Variants in PODXL observed in about 807,000 individuals in gnomAD.
PODXL encodes the protein podocalyxin like, also known as podocalyxin.
In PODXL, 20 loss-of-function variants were observed where a neutral mutation model predicts 48.9. The ratio of observed to expected loss-of-function variants is 0.41; its 90% CI spans 0.29 to 0.59. The LOEUF (loss-of-function observed/expected upper bound fraction) is 0.59, where lower values mean the gene tolerates loss of function less well. Among genes scored for constraint, PODXL ranks in the 20% least tolerant of loss-of-function variants. PODXL has a pLI of 0.31. For synonymous variants in PODXL, 295 were observed against 287.4 expected, an observed-to-expected ratio of 1.03 and a Z score of -0.27; for missense variants, 606 against 675.1, an observed-to-expected ratio of 0.90 and a Z score of 1.13.
At position 131,511,240 on chromosome 7, in the gene PODXL, T is replaced by A. The variant is rs146510439; in HGVS notation, c.294A>T (p.Gln98His). Residue 98 changes from glutamine (Q) to histidine (H), a missense_variant, in exon 2 of 9, where the codon CAA becomes CAT. Coordinates refer to ENST00000378555, the MANE Select transcript of PODXL (RefSeq NM_001018111.3). Reference protein sequence around the residue: ...DSPGTTTLAQQVSGPVNTTVA... With the variant: ...DSPGTTTLAQHVSGPVNTTVA... Reference sequence around the variant, plus strand: ...CGGTAGTGTTGACTGGGCCTGAGACTTGCTGAGCCAGGGTTGTAGTCCCCG... The same window carrying A: ...CGGTAGTGTTGACTGGGCCTGAGACATGCTGAGCCAGGGTTGTAGTCCCCG... 14 of 1,614,116 alleles carry A rather than the reference T, an allele frequency of 8.7e-6. 1 individual carries two copies. In the African/African-American group the frequency reaches 1.9e-4, roughly 22 times the overall value.
At position 131,506,598 on chromosome 7, in the gene PODXL, G is replaced by A; in HGVS notation, c.1230C>T (p.Val410=). Reference sequence around the variant, plus strand: ...ACTCACTGTGAATAGTGATTTCTTTGACGACCACGGTCTGACTTCCTGGAA... The same window carrying A: ...ACTCACTGTGAATAGTGATTTCTTTAACGACCACGGTCTGACTTCCTGGAA... ...ASVPGSQTVV[V]KEITIHTKLP... is the part of the protein sequence containing the mutation. Residue 410 remains valine (V), a synonymous_variant, in exon 6 of 9, where the codon GTC becomes GTT. Transcript: ENST00000378555. 3 of 1,614,086 alleles carry A rather than the reference G, an allele frequency of 1.9e-6. No individual in the cohort carries two copies. The highest frequency in any genetic ancestry group is 2.5e-6 in the Non-Finnish European group (3 of 1,180,006).
intron 1 of PODXL, among the ~76,000 whole-genome samples, chr7:131,541,975 G>T (rs562973445): frequency 6.6e-6 from 1 of 152,210 alleles, no homozygotes; most frequent in South Asian, 2.1e-4. Flanking sequence ...ACATCAGAGA[G>T]GGGGGACAGA....
chr7:131,531,139 G>A (rs1798274485), intron 1 of PODXL, among the ~76,000 whole-genome samples: 2 of 152,144 alleles, frequency 1.3e-5, no homozygotes, highest in African/African-American at 4.8e-5. Context: ...GCTTAGCTGG[G>A]CACTCATTTC....
Position 131,522,716 on chromosome 7 carries a change from C to T in PODXL, c.101-11283G>A, listed in dbSNP as rs141970326. On this transcript the variant is annotated intron_variant, in intron 1 of 8. Coordinates refer to ENST00000378555, the MANE Select transcript of PODXL (RefSeq NM_001018111.3). ...CCACTAATCTACTTCTGTCTATGGA[C>T]TCACCTATTCTAGAGAGTTCATGTA... 3.3e-3 allele frequency among the ~76,000 whole-genome samples: 508 copies of T among 152,366 alleles called. 3 individuals carry two copies. Among genetic ancestry groups the T allele is most frequent in the African/African-American group, 0.011 (471 of 41,588 alleles).
At chr7:131,518,531 G>A (rs940362788) in intron 1 of PODXL, among the ~76,000 whole-genome samples, 6 of 152,174 alleles carry the variant, frequency 3.9e-5, no homozygotes. Flanking sequence ...CTGTCCGTAA[G>A]AGGTCTTTCC....
intron 1 of PODXL, among the ~76,000 whole-genome samples, chr7:131,543,314 T>C (rs1798513536): frequency 6.6e-6 from 1 of 151,982 alleles, no homozygotes; most frequent in African/African-American, 2.4e-5. Context: ...TATGTAGAGA[T>C]AGGGCCTCAC....
intron 1 of PODXL, among the ~76,000 whole-genome samples, chr7:131,541,494 T>C (rs1798480855): frequency 6.6e-6 from 1 of 152,052 alleles, no homozygotes; most frequent in South Asian, 2.1e-4. Flanking sequence ...AAGACCAGCC[T>C]GGTTAACATG....
chr7:131,521,601 G>A (rs1279454083), intron 1 of PODXL, among the ~76,000 whole-genome samples: 2 of 152,168 alleles, frequency 1.3e-5, no homozygotes, highest in African/African-American at 4.8e-5. Context: ...CCAAAGTGCT[G>A]GGATTACAGA....
At chr7:131,538,144 CCAG>C (rs1318141978) in intron 1 of PODXL, among the ~76,000 whole-genome samples, 1 of 152,096 alleles carries the variant, frequency 6.6e-6, no homozygotes, top group Non-Finnish European at 1.5e-5. Flanking sequence ...AACCAGGAGA[CCAG>C]CTCCTGGCCC....
rs1797708447 is a variant in PODXL at position 131,501,841 on chromosome 7, GGT to G, written c.*2468_*2469del. 1 of 152,282 alleles carries G rather than the reference GGT, an allele frequency of 6.6e-6. No individual in the cohort carries two copies. The highest frequency in any genetic ancestry group is 2.4e-5 in the African/African-American group (1 of 41,436). The allele number at this position is 152,282 out of a possible 1,614,324, so 9.4% of individuals were successfully genotyped here. A position where few individuals can be genotyped will look rare whatever the true frequency, so the allele number is the denominator to read the frequency against. On this transcript the variant is annotated 3_prime_UTR_variant, in exon 9 of 9. Transcript: ENST00000378555. Reference sequence around the variant, plus strand: ...CATGGCTGTTTGGCCTGTTGACATAGGTGTCCTGGTGGCAAGAGCAAGGCAAG... The same window carrying G: ...CATGGCTGTTTGGCCTGTTGACATAGGTCCTGGTGGCAAGAGCAAGGCAAG...
chr7:131,509,712 T>G (rs1056609249), intron 3 of PODXL, 127 bp from the exon 4 acceptor site: 18 of 584,296 alleles, frequency 3.1e-5, no homozygotes, highest in Non-Finnish European at 5.2e-5. Context: ...ACGGAAGAAG[T>G]GGACTCCTAT....
intron 7 of PODXL, 51 bp from the exon 8 acceptor site, chr7:131,506,086 C>A: frequency 1.9e-6 from 3 of 1,582,050 alleles, no homozygotes; most frequent in Non-Finnish European, 2.6e-6. Flanking sequence ...TCTCCCTCAG[C>A]CCCCGGCTTC....
At position 131,503,513 on chromosome 7, in the gene PODXL, C is replaced by T. The variant is rs575739871; in HGVS notation, c.*798G>A. The T allele has an allele frequency of 6.6e-6, 1 of 152,440 alleles. No homozygotes were observed. The highest frequency in any genetic ancestry group is 1.9e-4 in the East Asian group (1 of 5,192). 9.4% of individuals were successfully genotyped at this position (152,440 alleles called of 1,614,324 possible). ...CCTGGACTCGAGTGTCCCCTTCTCT[C>T]CTCACCTGCACGCAGGTCCCCTAAG... On this transcript the variant is annotated 3_prime_UTR_variant, in exon 9 of 9. Transcript: ENST00000378555.
At chr7:131,507,970 T>C (rs923439828) in intron 5 of PODXL, among the ~76,000 whole-genome samples, 1 of 152,222 alleles carries the variant, frequency 6.6e-6, no homozygotes, top group African/African-American at 2.4e-5. Context: ...CCATCCTATC[T>C]ATAGACACCG....
intron 1 of PODXL, among the ~76,000 whole-genome samples, chr7:131,518,208 G>C (rs1243200410): frequency 6.6e-6 from 1 of 152,072 alleles, no homozygotes; most frequent in African/African-American, 2.4e-5. Flanking sequence ...CTTTTTGCGG[G>C]GGGAATGCCA....
intron 7 of PODXL, 67 bp downstream of exon 7, chr7:131,506,193 G>C (rs1797798173): frequency 6.3e-7 from 1 of 1,578,200 alleles, no homozygotes; most frequent in Non-Finnish European, 8.7e-7. Context: ...CAGAGAGAGG[G>C]GAGTAACCAG....
intron 1 of PODXL, among the ~76,000 whole-genome samples, chr7:131,538,356 C>T (rs1221764863): frequency 2.0e-5 from 3 of 152,198 alleles, no homozygotes; most frequent in African/African-American, 7.2e-5. Context: ...CATCCTCCAT[C>T]ATGCCCTGGC....
chr7:131,542,009 A>G (rs528350533), intron 1 of PODXL, among the ~76,000 whole-genome samples: 82 of 152,334 alleles, frequency 5.4e-4, no homozygotes, highest in African/African-American at 1.9e-3. Flanking sequence ...ACATGCCTCA[A>G]TGACATACAC....
chr7:131,506,150 C>T, intron 7 of PODXL, 110 bp downstream of exon 7: 1 of 1,546,150 alleles, frequency 6.5e-7, no homozygotes, highest in African/African-American at 1.4e-5. Flanking sequence ...CCGCCCTCTT[C>T]TACATGCAGG....
Sources: gnomAD v4.1 joint callset for allele counts (sites outside exome capture counted in the v4.1 genomes callset) on GRCh38, gnomAD v4.1.1 for gene constraint, MANE v1.5 for transcripts, NCBI Gene and HGNC (gene_info 2026-07-23, HGNC 2026-07-21) for gene names.